TMOD1: variants seen among roughly 807,000 people sequenced by gnomAD.
TMOD1 encodes the protein tropomodulin-1.
TMOD1 carries 17 observed loss-of-function variants against 40.6 expected under a neutral mutation model. The observed-to-expected ratio is 0.42, with a 90% CI of 0.29 to 0.63. The LOEUF is 0.63. TMOD1 is among the 20% of genes least tolerant of loss of function. The pLI is 0.22. For missense variants in TMOD1, 391 were observed against 447.6 expected, an observed-to-expected ratio of 0.87 and a Z score of 1.14; for synonymous variants, 181 against 175.0, an observed-to-expected ratio of 1.03 and a Z score of -0.27.
At chr9:97,544,106 G>A (rs894543152) in intron 2 of TMOD1, among the ~76,000 whole-genome samples, 11 of 152,110 alleles carry the variant, frequency 7.2e-5, no homozygotes, top group African/African-American at 2.7e-4. Flanking sequence ...CTGTCTGTCC[G>A]GGCTCTGTGC....
At chr9:97,569,813 C>CGAAA (rs1164143992) in intron 8 of TMOD1, among the ~76,000 whole-genome samples, 1 of 152,188 alleles carries the variant, frequency 6.6e-6, no homozygotes, top group East Asian at 1.9e-4. Flanking sequence ...GCCCCTTTTT[C>CGAAA]AGGGCCATAG....
intron 2 of TMOD1, among the ~76,000 whole-genome samples, chr9:97,542,248 C>T (rs1395889916): frequency 1.3e-5 from 2 of 152,080 alleles, no homozygotes; most frequent in East Asian, 3.9e-4. Context: ...TACTGACAAT[C>T]ATGTGATATT....
intron 8 of TMOD1, among the ~76,000 whole-genome samples, chr9:97,584,374 T>C (rs1825822344): frequency 6.6e-6 from 1 of 151,392 alleles, no homozygotes; most frequent in Non-Finnish European, 1.5e-5. Context: ...GATAGTTTGT[T>C]ATAATTTCTG....
chr9:97,508,172 G>A (rs1233949412), intron 1 of TMOD1, among the ~76,000 whole-genome samples: 4 of 151,176 alleles, frequency 2.6e-5, no homozygotes, highest in African/African-American at 9.7e-5. Flanking sequence ...GTAATCTCAG[G>A]TAACTTTTAA....
intron 2 of TMOD1, among the ~76,000 whole-genome samples, chr9:97,544,132 C>T (rs1830319135): frequency 6.6e-6 from 1 of 152,198 alleles, no homozygotes; most frequent in African/African-American, 2.4e-5. Flanking sequence ...GGGCCCTGCT[C>T]ACTTACAGCC....
chr9:97,570,099 T>C (rs899003337), intron 8 of TMOD1, among the ~76,000 whole-genome samples: 1 of 152,194 alleles, frequency 6.6e-6, no homozygotes, highest in African/African-American at 2.4e-5. Context: ...TTGTAAAACA[T>C]GGCAAACATA....
rs190263842 is a variant in TMOD1 at position 97,502,525 on chromosome 9, T to A, written c.-49+722T>A. ...AGTCTCCCATTTGTAGGGGCGAGGT[T>A]TGGTAGCCGCGATGGAGCTGGGAGC... On this transcript the variant is annotated intron_variant, in intron 1 of 9. Transcript: ENST00000259365. The surrounding 1 kb of genome is among the most constrained non-coding windows in gnomAD (Gnocchi z 6.1). 3.5e-3 allele frequency among the ~76,000 whole-genome samples: 529 copies of A among 152,202 alleles called. 2 individuals carry two copies. Among genetic ancestry groups the A allele is most frequent in the Non-Finnish European group, 4.4e-3 (299 of 68,006 alleles).
intron 1 of TMOD1, among the ~76,000 whole-genome samples, chr9:97,520,913 A>T (rs1159984400): frequency 6.6e-6 from 1 of 151,952 alleles, no homozygotes; most frequent in African/African-American, 2.4e-5. Context: ...TTGATAAAGG[A>T]TTTCTTTCTC....
intron 1 of TMOD1, among the ~76,000 whole-genome samples, chr9:97,512,011 C>T (rs1408079766): frequency 2.0e-5 from 3 of 152,158 alleles, no homozygotes; most frequent in Non-Finnish European, 4.4e-5. Flanking sequence ...TTCCCTCTTC[C>T]CCAGGTGAGC....
At chr9:97,586,716 T>C (rs1406136619) in intron 8 of TMOD1, among the ~76,000 whole-genome samples, 1 of 152,034 alleles carries the variant, frequency 6.6e-6, no homozygotes, top group East Asian at 1.9e-4. Flanking sequence ...GGTGCGCCAT[T>C]TTTTAAGCCC....
rs560124117 is a variant in TMOD1, at chr9:97,570,987, G to A, written c.870+1950G>A. 1.6e-3 allele frequency among the ~76,000 whole-genome samples: 241 copies of A among 152,178 alleles called. 2 individuals are homozygous for A. Among genetic ancestry groups the A allele is most frequent in the African/African-American group, 5.5e-3 (230 of 41,510 alleles). On this transcript the variant is annotated intron_variant, in intron 8 of 9. Coordinates refer to ENST00000259365, the MANE Select transcript of TMOD1 (RefSeq NM_003275.4). ...ATGCCGGTGGTCTTGCTGCTGCCTC[G>A]CTCATTCTCAGGCCCTCCCCACCCC...
chr9:97,564,244 C>T, intron 6 of TMOD1, 76 bp downstream of exon 6: 1 of 1,521,256 alleles, frequency 6.6e-7, no homozygotes. Context: ...GCAAACGGTC[C>T]AGGGTTGGTT....
chr9:97,515,971 T>C (rs528062037), intron 1 of TMOD1, among the ~76,000 whole-genome samples: 1 of 152,286 alleles, frequency 6.6e-6, no homozygotes, highest in East Asian at 1.9e-4. Context: ...GGCATAATTA[T>C]TGCACCACCT....
chr9:97,537,691 T>C (rs1441096395), intron 2 of TMOD1, among the ~76,000 whole-genome samples: 1 of 152,238 alleles, frequency 6.6e-6, no homozygotes, highest in East Asian at 1.9e-4. Context: ...CAGGAAAAGT[T>C]GCCTAATTTC....
chr9:97,567,116 A>G (rs148048407), intron 7 of TMOD1, among the ~76,000 whole-genome samples: 2 of 152,360 alleles, frequency 1.3e-5, no homozygotes, highest in African/African-American at 4.8e-5. Flanking sequence ...TTGAAATAAT[A>G]GAAATAGCTC....
intron 2 of TMOD1, among the ~76,000 whole-genome samples, chr9:97,540,813 A>C (rs1426534028): frequency 6.6e-6 from 1 of 152,156 alleles, no homozygotes; most frequent in African/African-American, 2.4e-5. Flanking sequence ...TTTTGTTATT[A>C]TGAATAATGC....
At chr9:97,528,414 C>T (rs1461082809) in intron 2 of TMOD1, among the ~76,000 whole-genome samples, 2 of 152,184 alleles carry the variant, frequency 1.3e-5, no homozygotes, top group Non-Finnish European at 2.9e-5. Context: ...TTTTCAAAGA[C>T]CCCTTTCTCT....
intron 1 of TMOD1, among the ~76,000 whole-genome samples, chr9:97,523,650 A>T (rs1210484232): frequency 6.6e-6 from 1 of 152,206 alleles, no homozygotes; most frequent in Non-Finnish European, 1.5e-5. Context: ...AGCTATTTCT[A>T]TGAACTACTT....
intron 5 of TMOD1, among the ~76,000 whole-genome samples, 185 bp from the exon 6 acceptor site, chr9:97,563,853 C>T (rs918232127): frequency 6.6e-6 from 1 of 152,126 alleles, no homozygotes; most frequent in Non-Finnish European, 1.5e-5. Flanking sequence ...CAAGTAGAAC[C>T]CCAGCCTCCT....
Sources: gnomAD v4.1 joint callset for allele counts (sites outside exome capture counted in the v4.1 genomes callset) on GRCh38, gnomAD v4.1.1 for gene constraint, Gnocchi (gnomAD v3.1) non-coding constraint, MANE v1.5 for transcripts, NCBI Gene and HGNC (gene_info 2026-07-23, HGNC 2026-07-21) for gene names.